The following ABCF2 variants were observed in gnomAD, a reference collection of about 807,000 sequenced individuals.
The protein encoded by ABCF2 is ATP binding cassette subfamily F member 2.
A neutral mutation model predicts 76.9 loss-of-function variants in ABCF2; 37 were observed. That is an observed-to-expected ratio of 0.48 (90% CI 0.37 to 0.63). ABCF2 has a LOEUF of 0.63. ABCF2 is among the 30% of genes least tolerant of loss of function. The probability of loss-of-function intolerance (pLI) is 0.00; values close to 1 mark genes in which losing one functional copy is unlikely to be tolerated. For missense variants in ABCF2, 524 were observed against 782.1 expected (o/e 0.67, Z 3.94); for synonymous variants, 299 against 283.7 (o/e 1.05, Z -0.54).
At chr7:151,223,616 T>G in intron 5 of ABCF2, 62 bp downstream of exon 5, 1 of 1,506,860 alleles carries the variant, frequency 6.6e-7, no homozygotes. Context: ...TCCACTGGAG[T>G]GAACACTAAA....
At chr7:151,219,278 T>C in intron 7 of ABCF2, 119 bp from the exon 8 acceptor site, 3 of 830,720 alleles carry the variant, frequency 3.6e-6, no homozygotes, top group East Asian at 2.4e-5. Context: ...TCTAAGGCTG[T>C]GCAGTAAGAA....
intron 11 of ABCF2, among the ~76,000 whole-genome samples, chr7:151,216,503 C>G (rs962625940): frequency 6.6e-6 from 1 of 152,146 alleles, no homozygotes. Flanking sequence ...AAAAAAAGAT[C>G]ACCAAACTTC....
rs1163184210 is a variant in ABCF2 at position 151,212,607 on chromosome 7, CTCT to C, written c.*1444_*1446del. The C allele has an allele frequency of 3.1e-5, 16 of 517,438 alleles. No homozygotes were observed. Among genetic ancestry groups the C allele is most frequent in the South Asian group, 8.3e-5 (1 of 11,996 alleles). 32.1% of individuals were successfully genotyped at this position (517,438 alleles called of 1,614,324 possible). A position where few individuals can be genotyped will look rare whatever the true frequency, so the allele number is the denominator to read the frequency against. ...AACCTCCTGGGCTCAAGTGAGCCTCCTCTTATCAGAGCAGCTGGGACCGCAGGC... is the reference window on the plus strand; with the variant it reads ...AACCTCCTGGGCTCAAGTGAGCCTCCTATCAGAGCAGCTGGGACCGCAGGC... On this transcript the variant is annotated 3_prime_UTR_variant, in exon 15 of 15. Transcript: ENST00000287844.
At position 151,215,896 on chromosome 7, in the gene ABCF2, TG is replaced by T. The variant is rs1234143166; in HGVS notation, c.1401+70del. On this transcript the variant is annotated intron_variant, in intron 12 of 14. Coordinates refer to ENST00000287844, the MANE Select transcript of ABCF2 (RefSeq NM_007189.3). This position sits in a 1 kb window ranked among gnomAD's most constrained non-coding sequence, Gnocchi z 4.6. ...CTGCCAGGGGGTGGGGGCGGCTGGC[TG>T]GAACTCAGCCAGATACAGCCCCTCC... is the stretch of plus-strand genomic sequence containing the variant. The T allele has an allele frequency of 3.1e-6, 5 of 1,590,456 alleles. No individual in the cohort carries two copies. The highest frequency in any genetic ancestry group is 1.7e-5 in the Admixed American group (1 of 58,622).
Position 151,224,829 on chromosome 7 carries a change from T to A in ABCF2, c.314A>T (p.Lys105Ile). Reference protein sequence around the residue: ...FHGQELLSDTKLELNSGRRYG... With the variant: ...FHGQELLSDTILELNSGRRYG... ...ACGACGGCCTGAGTTTAATTCCAGT[T>A]TGGTGTCACTGAGCAGCTCTTGACC... The change falls in exon 3 of 15, where the codon AAA becomes ATA. Residue 105 changes from lysine to isoleucine, a missense_variant. Physicochemically the swap from Lys to Ile is moderately radical, Grantham distance 102. Around this residue, in one of 2 missense-constraint regions of ABCF2, gnomAD observed 330 missense variants for 433.6 expected, o/e 0.76. Transcript: ENST00000287844. The A allele has an allele frequency of 6.2e-7, 1 of 1,614,220 alleles. No individual in the cohort carries two copies. Among genetic ancestry groups the A allele is most frequent in the South Asian group, 1.1e-5 (1 of 91,082 alleles).
rs1244501920 is a variant in ABCF2, at chr7:151,213,534, G to A, written c.*520C>T. On this transcript the variant is annotated 3_prime_UTR_variant, in exon 15 of 15. Transcript: ENST00000287844. ...GTGGCTTCCTCTTTCTTTATTGGGCGCTTTGTAGATGTCACGCAGGTCTAA... is the reference window on the plus strand; with the variant it reads ...GTGGCTTCCTCTTTCTTTATTGGGCACTTTGTAGATGTCACGCAGGTCTAA... The A allele has an allele frequency of 2.5e-5, 25 of 985,760 alleles. No homozygotes were observed. Among genetic ancestry groups the A allele is most frequent in the Non-Finnish European group, 3.0e-5 (25 of 830,382 alleles). 61.1% of individuals were successfully genotyped at this position (985,760 alleles called of 1,614,324 possible).
intron 7 of ABCF2, 28 bp from the exon 8 acceptor site, chr7:151,219,187 G>A (rs1234299906): frequency 1.3e-6 from 2 of 1,598,828 alleles, no homozygotes; most frequent in South Asian, 2.2e-5. Context: ...AGGTAAGGCA[G>A]GCAGCTTTAA....
chr7:151,218,939 TA>T (rs1402115250), intron 8 of ABCF2, 66 bp from the exon 9 acceptor site: 3 of 1,608,920 alleles, frequency 1.9e-6, no homozygotes, highest in Non-Finnish European at 2.5e-6. Context: ...CAATCCAGGG[TA>T]AAAATGTTGA....
At position 151,213,842 on chromosome 7, in the gene ABCF2, G is replaced by A; in HGVS notation, c.*212C>T. Reference sequence around the variant, plus strand: ...CAGCCGAGTCCAGACATGGACAGATGTAACTGGAAGGAGGACAGGAAACAG... The same window carrying A: ...CAGCCGAGTCCAGACATGGACAGATATAACTGGAAGGAGGACAGGAAACAG... On this transcript the variant is annotated 3_prime_UTR_variant, in exon 15 of 15. Coordinates refer to ENST00000287844, the MANE Select transcript of ABCF2 (RefSeq NM_007189.3). 5.0e-6 allele frequency: 7 copies of A among 1,398,206 alleles called. No homozygotes were observed. Among genetic ancestry groups the A allele is most frequent in the Non-Finnish European group, 6.5e-6 (7 of 1,081,906 alleles). 86.6% of individuals were successfully genotyped at this position (1,398,206 alleles called of 1,614,324 possible).
Position 151,215,507 on chromosome 7 carries a change from A to C in ABCF2, c.1530+97T>G. On this transcript the variant is annotated intron_variant, in intron 13 of 14. Transcript: ENST00000287844. This position sits in a 1 kb window ranked among gnomAD's most constrained non-coding sequence, Gnocchi z 4.6. ...AAATGGAGGAGACTCTGGTTTGGAC[A>C]GCTTCCAAACCCAGGCTGCCAGGAC... 7 of 1,488,368 alleles carry C rather than the reference A, an allele frequency of 4.7e-6. No homozygotes were observed. In the South Asian group the frequency reaches 4.9e-5, roughly 10 times the overall value. 92.2% of individuals were successfully genotyped at this position (1,488,368 alleles called of 1,614,324 possible). A position where few individuals can be genotyped will look rare whatever the true frequency, so the allele number is the denominator to read the frequency against.
intron 7 of ABCF2, 34 bp downstream of exon 7, chr7:151,221,544 C>A (rs769354090): frequency 7.8e-7 from 1 of 1,285,438 alleles, no homozygotes; most frequent in South Asian, 1.2e-5. Flanking sequence ...TTGGTATGCA[C>A]AGAGATTACC....
chr7:151,214,168 A>G lies in ABCF2; in HGVS notation c.1758T>C (p.Cys586=). 1 of 1,614,166 alleles carries G rather than the reference A, an allele frequency of 6.2e-7. No individual in the cohort carries two copies. Among genetic ancestry groups the G allele is most frequent in the African/African-American group, 1.3e-5 (1 of 75,048 alleles). ...GCCACTTGGTGATTGTCTGCTTCTC[A>G]CAGACCCAAATTTCCTGTGCAACCT... ...IQQVAQEIWV[C]EKQTITKWPG... is the part of the protein sequence containing the mutation. The change falls in exon 15 of 15, where the codon TGT becomes TGC. Residue 586 remains cysteine, a synonymous_variant. Transcript: ENST00000287844. This position sits in a 1 kb window ranked among gnomAD's most constrained non-coding sequence, Gnocchi z 4.9.
At chr7:151,224,717 TTG>T (rs1242155206) in intron 3 of ABCF2, 57 bp downstream of exon 3, 13 of 1,472,698 alleles carry the variant, frequency 8.8e-6, no homozygotes, top group African/African-American at 4.2e-5. Context: ...AAATAAATGC[TTG>T]TGAGTGACAG....
At chr7:151,226,781 G>C (rs997984132) in intron 1 of ABCF2, 2 of 235,960 alleles carry the variant, frequency 8.5e-6, no homozygotes, top group Non-Finnish European at 1.6e-5. Flanking sequence ...TGGGGACCAG[G>C]TTCTGCCCCT....
chr7:151,214,764 T>C lies in ABCF2; in HGVS notation c.1734+115A>G. 1.0e-6 allele frequency: 1 copy of C among 1,002,598 alleles called. No homozygotes were observed. Among genetic ancestry groups the C allele is most frequent in the Non-Finnish European group, 1.5e-6 (1 of 661,852 alleles). 62.1% of individuals were successfully genotyped at this position (1,002,598 alleles called of 1,614,324 possible). On this transcript the variant is annotated intron_variant, in intron 14 of 14. Transcript: ENST00000287844. The surrounding 1 kb of genome is among the most constrained non-coding windows in gnomAD (Gnocchi z 4.9). ...GTCCTCACCACCTGTGTCTACACTC[T>C]GAGCCCCTTCTCTTAATTCAGTAGG...
chr7:151,212,075 G>A lies in ABCF2; in HGVS notation c.*1979C>T. On this transcript the variant is annotated 3_prime_UTR_variant, in exon 15 of 15. Transcript: ENST00000287844. ...TTAGCATCTAATTTGTGTCCTGTAT[G>A]GTTCTGTCTTACTGGCTTTCCAAGA... The A allele has an allele frequency of 1.0e-6, 1 of 960,258 alleles. No homozygotes were observed. The highest frequency in any genetic ancestry group is 1.2e-6 in the Non-Finnish European group (1 of 807,108). 59.5% of individuals were successfully genotyped at this position (960,258 alleles called of 1,614,324 possible). A position where few individuals can be genotyped will look rare whatever the true frequency, so the allele number is the denominator to read the frequency against.
At chr7:151,216,528 A>G (rs1389887244) in intron 11 of ABCF2, among the ~76,000 whole-genome samples, 1 of 152,170 alleles carries the variant, frequency 6.6e-6, no homozygotes, top group Non-Finnish European at 1.5e-5. Context: ...TAAAGATCCA[A>G]AGATTCTTTT....
intron 7 of ABCF2, 79 bp from the exon 8 acceptor site, chr7:151,219,238 G>A (rs1331933979): frequency 1.6e-6 from 2 of 1,260,200 alleles, no homozygotes; most frequent in African/African-American, 2.9e-5. Context: ...AGTTTAGGGG[G>A]ATGAGGGATG....
chr7:151,222,443 G>T, intron 6 of ABCF2, 78 bp downstream of exon 6: 1 of 1,191,516 alleles, frequency 8.4e-7, no homozygotes, highest in Non-Finnish European at 1.2e-6. Flanking sequence ...TCTAACATCA[G>T]TGCAGTTTCT....
Sources: gnomAD v4.1 joint callset for allele counts (sites outside exome capture counted in the v4.1 genomes callset) on GRCh38, gnomAD v4.1.1 for gene constraint, gnomAD v4.1.1 regional missense constraint, Gnocchi (gnomAD v3.1) non-coding constraint, MANE v1.5 for transcripts, NCBI Gene and HGNC (gene_info 2026-07-23, HGNC 2026-07-21) for gene names.